PLEKHA8: variants seen among roughly 807,000 people sequenced by gnomAD.
PLEKHA8 encodes the protein pleckstrin homology domain-containing family A member 8.
In PLEKHA8, 36 loss-of-function variants were observed where a neutral mutation model predicts 68.2. The ratio of observed to expected loss-of-function variants is 0.53; its 90% confidence interval spans 0.40 to 0.70. The LOEUF is 0.70. Among genes scored for constraint, PLEKHA8 ranks in the 30% least tolerant of loss-of-function variants. PLEKHA8 has a pLI of 0.00. For synonymous variants in PLEKHA8, 211 were observed against 216.1 expected, an observed-to-expected ratio of 0.98 and a Z score of 0.20; for missense variants, 505 against 615.4, an observed-to-expected ratio of 0.82 and a Z score of 1.90.
intron 12 of PLEKHA8, among the ~76,000 whole-genome samples, chr7:30,064,116 C>G (rs1041836619): frequency 1.3e-5 from 2 of 152,250 alleles, no homozygotes; most frequent in African/African-American, 4.8e-5. Context: ...TATTAGTGCT[C>G]TGCCCTTAGG....
chr7:30,126,873 C>T (rs890701287), intron 13 of PLEKHA8, among the ~76,000 whole-genome samples: 3 of 152,212 alleles, frequency 2.0e-5, no homozygotes, highest in Non-Finnish European at 4.4e-5. Context: ...TTATCTTCTA[C>T]TAGGTCCCTC....
chr7:30,116,071 C>T lies in PLEKHA8; in HGVS notation c.1363-13195C>T, dbSNP rs1583487504. The stretch of plus-strand genomic sequence containing the variant: ...GCATACATACGTATGCATACGTATA[C>T]ATGTATACATACGCATACATACGTA... On this transcript the variant is annotated intron_variant, in intron 13 of 13. Coordinates refer to the PLEKHA8 transcript ENST00000396257. 3 of 145,246 alleles carry T rather than the reference C, an allele frequency of 2.1e-5. 1 individual carries two copies. Among genetic ancestry groups the T allele is most frequent in the Non-Finnish European group, 4.6e-5 (3 of 65,618 alleles). 9.0% of individuals were successfully genotyped at this position (145,246 alleles called of 1,614,324 possible).
intron 13 of PLEKHA8, among the ~76,000 whole-genome samples, chr7:30,096,527 G>T (rs1163469635): frequency 2.0e-5 from 3 of 152,220 alleles, no homozygotes; most frequent in African/African-American, 7.2e-5. Flanking sequence ...TCCTTCTCCT[G>T]CCTGATTGCC....
chr7:30,048,087 T>C (rs1792101133), intron 4 of PLEKHA8, 131 bp downstream of exon 4: 4 of 464,704 alleles, frequency 8.6e-6, no homozygotes, highest in African/African-American at 2.1e-5. Flanking sequence ...CACCAGACGT[T>C]GCTTACAGGT....
In PLEKHA8 at chr7:30,061,915, A is replaced by G. The variant is rs754391783; in HGVS notation, c.1117A>G (p.Ile373Val). ...GNIKKVNQKY[I>V]TNKEEFTTLQ... ...CCTCCAGAAAGTAAATCAGAAGTAT[A>G]TAACCAACAAAGAAGAGTTTACCAC... The change falls in exon 11 of 14, where the codon ATA becomes GTA. Residue 373 changes from isoleucine to valine, a missense_variant. By Grantham distance (29) the Ile-to-Val change is conservative. Transcript: ENST00000449726. The G allele has an allele frequency of 5.6e-6, 9 of 1,614,000 alleles. No homozygotes were observed. The highest frequency in any genetic ancestry group is 4.0e-5 in the African/African-American group (3 of 74,940).
intron 9 of PLEKHA8, among the ~76,000 whole-genome samples, chr7:30,057,412 A>G (rs896864944): frequency 6.7e-6 from 1 of 149,810 alleles, no homozygotes; most frequent in Non-Finnish European, 1.5e-5. Flanking sequence ...ACAATTATTT[A>G]TTCACTCTCT....
intron 12 of PLEKHA8, among the ~76,000 whole-genome samples, chr7:30,071,307 G>A (rs1236306173): frequency 6.6e-6 from 1 of 152,164 alleles, no homozygotes; most frequent in Admixed American, 6.5e-5. Flanking sequence ...GTGTTCTTCA[G>A]ATCCAATGAA....
intron 12 of PLEKHA8, among the ~76,000 whole-genome samples, chr7:30,065,865 G>A (rs1267745664): frequency 6.6e-6 from 1 of 152,152 alleles, no homozygotes; most frequent in Non-Finnish European, 1.5e-5. Context: ...TTCTCAAGCT[G>A]TTCCAAGGTC....
intron 13 of PLEKHA8, among the ~76,000 whole-genome samples, chr7:30,099,733 G>T (rs1442737074): frequency 6.6e-6 from 1 of 152,176 alleles, no homozygotes; most frequent in Non-Finnish European, 1.5e-5. Context: ...GAGGAATTCT[G>T]GGAAATGGAG....
chr7:30,055,986 A>C (rs1792819644), intron 9 of PLEKHA8, among the ~76,000 whole-genome samples: 1 of 141,834 alleles, frequency 7.1e-6, no homozygotes, highest in South Asian at 2.2e-4. Flanking sequence ...TCTGTCACCC[A>C]GGCTGCAGTG....
At position 30,080,309 on chromosome 7, in the gene PLEKHA8, A is replaced by T. The variant is rs931933867; in HGVS notation, c.*1522A>T. The T allele has an allele frequency of 1.0e-6, 1 of 985,314 alleles. No homozygotes were observed. The highest frequency in any genetic ancestry group is 1.2e-6 in the Non-Finnish European group (1 of 829,934). 61.0% of individuals were successfully genotyped at this position (985,314 alleles called of 1,614,324 possible). ...GTAGACCATGCTGCCTCGAGTGTGC[A>T]TCGGAGAGAAGCCATGGGTACCTTC... On this transcript the variant is annotated 3_prime_UTR_variant, in exon 14 of 14. Transcript: ENST00000449726.
chr7:30,060,268 C>CCGTCT (rs1395486235), intron 9 of PLEKHA8, among the ~76,000 whole-genome samples: 1 of 152,046 alleles, frequency 6.6e-6, no homozygotes, highest in Non-Finnish European at 1.5e-5. Flanking sequence ...ATGGTGAAGC[C>CCGTCT]CGTCTCTACT....
chr7:30,054,064 C>T (rs936748351), intron 7 of PLEKHA8, among the ~76,000 whole-genome samples: 5 of 152,062 alleles, frequency 3.3e-5, no homozygotes, highest in East Asian at 1.9e-4. Context: ...TGGGTAGGAA[C>T]GCTAGACGGT....
At chr7:30,037,696 C>G (rs1487615336) in intron 1 of PLEKHA8, among the ~76,000 whole-genome samples, 2 of 150,906 alleles carry the variant, frequency 1.3e-5, no homozygotes, top group East Asian at 3.9e-4. Flanking sequence ...CACTTTTTTT[C>G]TTTACTTTTG....
intron 13 of PLEKHA8, among the ~76,000 whole-genome samples, chr7:30,128,091 A>ATTTTTTTTTTTTT (rs35173428): frequency 4.9e-5 from 6 of 122,720 alleles, no homozygotes; most frequent in African/African-American, 6.1e-5. Context: ...GTTTTACTGT[A>ATTTTTTTTTTTTT]TTTTTTTTTT....
chr7:30,056,251 A>G (rs1191919380), intron 9 of PLEKHA8, among the ~76,000 whole-genome samples: 2 of 144,650 alleles, frequency 1.4e-5, no homozygotes, highest in African/African-American at 5.1e-5. Flanking sequence ...CCTGCAAAAC[A>G]TATTTTCAAA....
chr7:30,074,497 G>A (rs1794490013), intron 13 of PLEKHA8, among the ~76,000 whole-genome samples: 1 of 152,148 alleles, frequency 6.6e-6, no homozygotes, highest in South Asian at 2.1e-4. Context: ...TGCCTCATAA[G>A]TGGTTGCCTT....
chr7:30,078,477 C>T, intron 13 of PLEKHA8, 113 bp from the exon 14 acceptor site: 1 of 1,144,856 alleles, frequency 8.7e-7, no homozygotes, highest in Non-Finnish European at 1.3e-6. Flanking sequence ...TACTCTTGCT[C>T]TTCTCAGCTG....
chr7:30,123,435 G>C (rs986808319), intron 13 of PLEKHA8, among the ~76,000 whole-genome samples: 10 of 152,278 alleles, frequency 6.6e-5, no homozygotes, highest in African/African-American at 2.4e-4. Context: ...GAATGATGTG[G>C]TAGATCCTGC....
Sources: allele counts gnomAD v4.1 joint callset (sites outside exome capture counted in the v4.1 genomes callset), GRCh38; gene constraint gnomAD v4.1.1; transcripts MANE v1.5; gene names NCBI Gene and HGNC (gene_info 2026-07-23, HGNC 2026-07-21).